The following ROBO2 variants were observed in gnomAD, a reference collection of about 807,000 sequenced individuals.
The protein encoded by ROBO2 is roundabout guidance receptor 2.
Under a neutral mutation model 160.8 loss-of-function variants are expected in ROBO2, and 53 were observed. The observed-to-expected ratio is 0.33, with a 90% confidence interval of 0.26 to 0.41. The LOEUF is 0.41. ROBO2 is among the 10% of genes least tolerant of loss of function. The pLI, the probability that ROBO2 is intolerant of heterozygous loss-of-function variation, is 1.00. For synonymous variants in ROBO2, 664 were observed against 611.7 expected (o/e 1.09, Z -1.26); for missense variants, 1,577 against 1,722.4 (o/e 0.92, Z 1.49).
chr3:76,534,186 T>TA (rs1372587343), intron 2 of ROBO2, among the ~76,000 whole-genome samples: 1 of 152,076 alleles, frequency 6.6e-6, no homozygotes, highest in Non-Finnish European at 1.5e-5. Flanking sequence ...GTGGACACCT[T>TA]AAAGAAAATT....
At chr3:77,481,855 TG>T (rs956133789) in intron 4 of ROBO2, among the ~76,000 whole-genome samples, 2 of 151,958 alleles carry the variant, frequency 1.3e-5, no homozygotes, top group Non-Finnish European at 2.9e-5. Context: ...GATAAAGTAT[TG>T]GAAAGGAGAA....
At chr3:76,524,865 A>T (rs796220620) in intron 2 of ROBO2, among the ~76,000 whole-genome samples, 5,379 of 116,048 alleles carry the variant, frequency 0.046, 348 homozygotes, top group East Asian at 0.13. Flanking sequence ...AAAAAAAAAA[A>T]ATAAGTAAAA....
chr3:76,259,918 A>G (rs1416464922), intron 2 of ROBO2, among the ~76,000 whole-genome samples: 1 of 152,144 alleles, frequency 6.6e-6, no homozygotes, highest in East Asian at 1.9e-4. Flanking sequence ...TGAATCTGTC[A>G]GGCTAACTTA....
At chr3:76,294,667 T>C (rs1708978877) in intron 2 of ROBO2, among the ~76,000 whole-genome samples, 2 of 152,230 alleles carry the variant, frequency 1.3e-5, no homozygotes, top group Non-Finnish European at 1.5e-5. Flanking sequence ...GAACTGTCAA[T>C]TACTTTTTCG....
chr3:77,591,343 T>C (rs557972249), intron 17 of ROBO2, among the ~76,000 whole-genome samples: 4 of 152,294 alleles, frequency 2.6e-5, no homozygotes, highest in African/African-American at 7.2e-5. Flanking sequence ...AAATGTGACC[T>C]ACTAAAGATA....
chr3:77,021,352 C>T (rs781694685), intron 2 of ROBO2, among the ~76,000 whole-genome samples: 2 of 152,120 alleles, frequency 1.3e-5, no homozygotes, highest in African/African-American at 4.8e-5. Flanking sequence ...TCTTTCATTT[C>T]CAAGGCAAGA....
chr3:76,653,055 T>A (rs961237318), intron 2 of ROBO2, among the ~76,000 whole-genome samples: 2 of 152,126 alleles, frequency 1.3e-5, no homozygotes, highest in African/African-American at 4.8e-5. Context: ...AAATTGATTC[T>A]AATGACACCA....
At chr3:76,990,805 G>A (rs1455739118) in intron 2 of ROBO2, among the ~76,000 whole-genome samples, 1 of 152,116 alleles carries the variant, frequency 6.6e-6, no homozygotes, top group African/African-American at 2.4e-5. Context: ...GAGGCAAAAC[G>A]GTGAGTTTAA....
At chr3:77,286,857 T>C (rs2060636616) in intron 2 of ROBO2, among the ~76,000 whole-genome samples, 1 of 152,234 alleles carries the variant, frequency 6.6e-6, no homozygotes, top group African/African-American at 2.4e-5. Flanking sequence ...CGAGTTTGTA[T>C]AAATTATGTT....
At chr3:77,147,013 T>C (rs2150489487) in intron 2 of ROBO2, among the ~76,000 whole-genome samples, 1 of 152,224 alleles carries the variant, frequency 6.6e-6, no homozygotes, top group South Asian at 2.1e-4. Flanking sequence ...CAAGATTTAG[T>C]AAATATGTAC....
chr3:77,370,112 G>A (rs1158258263), intron 2 of ROBO2, among the ~76,000 whole-genome samples: 3 of 152,176 alleles, frequency 2.0e-5, no homozygotes, highest in South Asian at 2.1e-4. Flanking sequence ...TGGTTGGATT[G>A]TTATAACAAA....
chr3:77,438,896 G>A (rs954645233), intron 2 of ROBO2, among the ~76,000 whole-genome samples: 3 of 151,978 alleles, frequency 2.0e-5, no homozygotes, highest in Non-Finnish European at 4.4e-5. Flanking sequence ...GGCTTTGTAA[G>A]AAAAAGTGAA....
At chr3:76,320,736 G>A (rs899235381) in intron 2 of ROBO2, among the ~76,000 whole-genome samples, 2 of 152,148 alleles carry the variant, frequency 1.3e-5, no homozygotes, top group African/African-American at 2.4e-5. Context: ...TTCCTGTTGA[G>A]GGATTTCATG....
intron 2 of ROBO2, among the ~76,000 whole-genome samples, chr3:77,379,816 G>A (rs2073198204): frequency 2.0e-5 from 3 of 151,886 alleles, no homozygotes; most frequent in African/African-American, 4.8e-5. Context: ...TCCTAGCCTT[G>A]GTGCTCCCAC....
intron 2 of ROBO2, among the ~76,000 whole-genome samples, chr3:76,092,084 G>A (rs1345324793): frequency 6.6e-6 from 1 of 152,094 alleles, no homozygotes; most frequent in Non-Finnish European, 1.5e-5. Flanking sequence ...TGATAACAAT[G>A]TGTCAGTGTA....
At chr3:77,412,274 G>T (rs1179568393) in intron 2 of ROBO2, among the ~76,000 whole-genome samples, 1 of 152,198 alleles carries the variant, frequency 6.6e-6, no homozygotes, top group Non-Finnish European at 1.5e-5. Flanking sequence ...ACCCAGAGGT[G>T]GATGCCCAGA....
At chr3:76,995,888 C>A (rs1302991497) in intron 2 of ROBO2, among the ~76,000 whole-genome samples, 2 of 151,948 alleles carry the variant, frequency 1.3e-5, no homozygotes, top group Admixed American at 6.6e-5. Context: ...ACATTTTCTC[C>A]CATTCTGTAG....
intron 2 of ROBO2, among the ~76,000 whole-genome samples, chr3:77,314,376 T>G (rs974658856): frequency 1.3e-5 from 2 of 152,192 alleles, no homozygotes; most frequent in African/African-American, 4.8e-5. Flanking sequence ...GCATCCAGCA[T>G]TTGGCCTTAT....
intron 2 of ROBO2, among the ~76,000 whole-genome samples, chr3:76,267,998 A>G (rs989236566): frequency 1.3e-5 from 2 of 152,176 alleles, no homozygotes; most frequent in Non-Finnish European, 2.9e-5. Flanking sequence ...CTCGAAATGC[A>G]TGACCAGAGA....
Sources: gnomAD v4.1 joint callset for allele counts (sites outside exome capture counted in the v4.1 genomes callset) on GRCh38, gnomAD v4.1.1 for gene constraint, MANE v1.5 for transcripts, NCBI Gene and HGNC (gene_info 2026-07-23, HGNC 2026-07-21) for gene names.